The following IQCH variants were observed in gnomAD, a reference collection of about 807,000 sequenced individuals.
The protein encoded by IQCH is IQ domain-containing protein H.
IQCH carries 98 observed loss-of-function variants against 117.0 expected under a neutral mutation model. That is an observed-to-expected ratio of 0.84 (90% confidence interval 0.71 to 0.99). The LOEUF (loss-of-function observed/expected upper bound fraction) is 0.99. IQCH is among the 50% of genes least tolerant of loss of function. IQCH has a pLI of 0.00. For missense variants in IQCH, 1,102 were observed against 1,243.8 expected (o/e 0.89, Z 1.72); for synonymous variants, 412 against 448.2 (o/e 0.92, Z 1.02).
chr15:67,255,091 C>G, intron 1 of IQCH, 144 bp downstream of exon 1: 1 of 762,590 alleles, frequency 1.3e-6, no homozygotes, highest in Non-Finnish European at 2.3e-6. Flanking sequence ...CCAAAAATGC[C>G]CACCCAGACC....
chr15:67,496,562 G>T lies in IQCH; in HGVS notation c.2970+2196G>T, dbSNP rs1035134529. ...ATTAGGCAAGAAAAGGAAATAAAAG[G>T]CGCTGGGTGCAGTGGCCCCCACCTG... On this transcript the variant is annotated intron_variant, in intron 20 of 20. Transcript: ENST00000335894. This position sits in a 1 kb window ranked among gnomAD's most constrained non-coding sequence, Gnocchi z 4.4. Among the ~76,000 whole-genome samples, 1 of 151,862 alleles carries T rather than the reference G, an allele frequency of 6.6e-6. No homozygotes were observed. Among genetic ancestry groups the T allele is most frequent in the Non-Finnish European group, 1.5e-5 (1 of 67,964 alleles).
At chr15:67,259,111 A>G (rs1965351842) in intron 1 of IQCH, among the ~76,000 whole-genome samples, 1 of 152,224 alleles carries the variant, frequency 6.6e-6, no homozygotes, top group Non-Finnish European at 1.5e-5. Flanking sequence ...AATTCAGAAG[A>G]GAATTAACAT....
intron 4 of IQCH, among the ~76,000 whole-genome samples, chr15:67,333,458 T>C (rs1596200659): frequency 6.6e-6 from 1 of 152,242 alleles, no homozygotes; most frequent in East Asian, 1.9e-4. Context: ...TTTTTCCTCA[T>C]GTAAAATTAA....
In IQCH at chr15:67,416,355, T is replaced by A. The variant is rs1048962928; in HGVS notation, c.2098-576T>A. On this transcript the variant is annotated intron_variant, in intron 14 of 20. Coordinates refer to ENST00000335894, the MANE Select transcript of IQCH (RefSeq NM_001031715.3). This position sits in a 1 kb window ranked among gnomAD's most constrained non-coding sequence, Gnocchi z 5.1. ...CAACATGGAGAAACCCCGTCACTAC[T>A]AAAAATACAAAATTAGCCAGGTGTG... Among the ~76,000 whole-genome samples the A allele has an allele frequency of 2.0e-5, 3 of 151,736 alleles. No individual in the cohort carries two copies. Among genetic ancestry groups the A allele is most frequent in the Non-Finnish European group, 2.9e-5 (2 of 67,946 alleles).
intron 16 of IQCH, among the ~76,000 whole-genome samples, chr15:67,461,923 G>C (rs369827098): frequency 4.1e-4 from 62 of 152,218 alleles, no homozygotes; most frequent in African/African-American, 1.3e-3. Flanking sequence ...CTAAGAATCT[G>C]CTCTGAAAGG....
In IQCH at chr15:67,433,435, C is replaced by A. The variant is rs1226718387; in HGVS notation, c.2505+11858C>A. On this transcript the variant is annotated intron_variant, in intron 16 of 20. Coordinates refer to ENST00000335894, the MANE Select transcript of IQCH (RefSeq NM_001031715.3). This position sits in a 1 kb window ranked among gnomAD's most constrained non-coding sequence, Gnocchi z 5.4. ...TGGTTAACCCCCCTTACACTGTAAA[C>A]CTTCACACTGAGAAATATTGAACCC... 6.6e-6 allele frequency among the ~76,000 whole-genome samples: 1 copy of A among 152,204 alleles called. No individual in the cohort carries two copies. Among genetic ancestry groups the A allele is most frequent in the Admixed American group, 6.5e-5 (1 of 15,280 alleles).
chr15:67,336,714 T>G (rs1237414904), intron 4 of IQCH, among the ~76,000 whole-genome samples: 1 of 152,238 alleles, frequency 6.6e-6, no homozygotes. Context: ...TTAATAGTTC[T>G]TTTATTAACT....
In IQCH at chr15:67,385,738, A is replaced by G. The variant is rs1438244942; in HGVS notation, c.1456+719A>G. ...TAGGTTGCAAAAGCTAAGCAATAAC[A>G]TTGAATCTGTTTGTGAGATACTTGC... is the stretch of plus-strand genomic sequence containing the variant. On this transcript the variant is annotated intron_variant, in intron 11 of 20. Transcript: ENST00000335894. This position sits in a 1 kb window ranked among gnomAD's most constrained non-coding sequence, Gnocchi z 4.6. Among the ~76,000 whole-genome samples the G allele has an allele frequency of 6.6e-6, 1 of 152,190 alleles. No individual in the cohort carries two copies. The highest frequency in any genetic ancestry group is 1.9e-4 in the East Asian group (1 of 5,198).
rs375083347 is a variant in IQCH, at chr15:67,360,708, A to C, written c.753+823A>C. ...TCTTGGGGATCTCTTATCAGTAAGA[A>C]TTTTACAGGGATCTTAGCCATCTGC... On this transcript the variant is annotated intron_variant, in intron 8 of 20. Coordinates refer to ENST00000335894, the MANE Select transcript of IQCH (RefSeq NM_001031715.3). 1.2e-3 allele frequency among the ~76,000 whole-genome samples: 189 copies of C among 152,338 alleles called. 1 individual carries two copies. In the South Asian group the frequency reaches 0.036, roughly 29 times the overall value.
chr15:67,455,766 C>T (rs998446353), intron 16 of IQCH, among the ~76,000 whole-genome samples: 1 of 152,194 alleles, frequency 6.6e-6, no homozygotes, highest in Admixed American at 6.5e-5. Context: ...TAAGAGAATC[C>T]TTCACCAGCC....
At chr15:67,429,770 G>C (rs779776296) in intron 16 of IQCH, among the ~76,000 whole-genome samples, 3 of 152,136 alleles carry the variant, frequency 2.0e-5, no homozygotes, top group Non-Finnish European at 4.4e-5. Context: ...AGGGGCAAAG[G>C]GGACTGGGGG....
intron 4 of IQCH, among the ~76,000 whole-genome samples, chr15:67,332,226 A>G (rs1170943804): frequency 6.6e-6 from 1 of 152,184 alleles, no homozygotes; most frequent in Non-Finnish European, 1.5e-5. Flanking sequence ...TTGATTTTGA[A>G]TATTTAACAT....
intron 4 of IQCH, among the ~76,000 whole-genome samples, chr15:67,298,945 T>A (rs188931783): frequency 3.0e-4 from 45 of 152,162 alleles, no homozygotes; most frequent in African/African-American, 1.1e-3. Context: ...AATCAGTGTA[T>A]CAAAGAGGTA....
chr15:67,450,408 A>C (rs1473780111), intron 16 of IQCH, among the ~76,000 whole-genome samples: 6 of 152,166 alleles, frequency 3.9e-5, no homozygotes, highest in Non-Finnish European at 7.3e-5. Context: ...TCAATACCTA[A>C]TTTATTGAGA....
chr15:67,320,067 C>G (rs1968042283), intron 4 of IQCH, among the ~76,000 whole-genome samples: 1 of 152,200 alleles, frequency 6.6e-6, no homozygotes, highest in South Asian at 2.1e-4. Flanking sequence ...CTTCCACAGA[C>G]TTTACTGATA....
intron 16 of IQCH, among the ~76,000 whole-genome samples, chr15:67,444,082 C>T (rs2082340024): frequency 6.8e-6 from 1 of 147,506 alleles, no homozygotes; most frequent in African/African-American, 2.6e-5. Flanking sequence ...TTGTAAGTAT[C>T]TCCCCCCACA....
chr15:67,405,381 T>TG lies in IQCH; in HGVS notation c.2097+5076_2097+5077insG, dbSNP rs1353527096. 6.8e-6 allele frequency: 1 copy of TG among 146,012 alleles called. No individual in the cohort carries two copies. The highest frequency in any genetic ancestry group is 2.5e-5 in the African/African-American group (1 of 39,224). The allele number at this position is 146,012 out of a possible 1,614,324, so 9.0% of individuals were successfully genotyped here. A position where few individuals can be genotyped will look rare whatever the true frequency, so the allele number is the denominator to read the frequency against. ...CTGTTAAGGTGTTGACATTTCCTTGTATTTCTTTGTCATCATCATCATCAT... is the reference window on the plus strand; with the variant it reads ...CTGTTAAGGTGTTGACATTTCCTTGTGATTTCTTTGTCATCATCATCATCAT... On this transcript the variant is annotated intron_variant, in intron 14 of 20. Transcript: ENST00000335894. The surrounding 1 kb of genome is among the most constrained non-coding windows in gnomAD (Gnocchi z 4.8).
intron 3 of IQCH, among the ~76,000 whole-genome samples, chr15:67,273,797 A>T (rs998626980): frequency 3.3e-5 from 5 of 152,112 alleles, no homozygotes; most frequent in Admixed American, 6.5e-5. Flanking sequence ...TTTGCACATT[A>T]GTGACTTTTT....
At chr15:67,259,518 A>G (rs1279124085) in intron 1 of IQCH, among the ~76,000 whole-genome samples, 1 of 152,228 alleles carries the variant, frequency 6.6e-6, no homozygotes, top group Non-Finnish European at 1.5e-5. Context: ...CTTGCTATGT[A>G]CCAAGCCTAT....
Sources: allele counts gnomAD v4.1 joint callset (sites outside exome capture counted in the v4.1 genomes callset), GRCh38; gene constraint gnomAD v4.1.1; non-coding constraint Gnocchi (gnomAD v3.1); transcripts MANE v1.5; gene names NCBI Gene and HGNC (gene_info 2026-07-23, HGNC 2026-07-21).